SHISA9: variants seen among roughly 807,000 people sequenced by gnomAD.
SHISA9 encodes the protein shisa family member 9, also known as protein shisa-9.
In SHISA9, 13 loss-of-function variants were observed where a neutral mutation model predicts 38.0. The observed-to-expected ratio is 0.34, with a 90% CI of 0.22 to 0.54. SHISA9 has a LOEUF of 0.54. Among genes scored for constraint, SHISA9 ranks in the 20% least tolerant of loss-of-function variants. The pLI, the probability that SHISA9 is intolerant of heterozygous loss-of-function variation, is 0.91. For synonymous variants in SHISA9, 275 were observed against 242.0 expected, an observed-to-expected ratio of 1.14 and a Z score of -1.27; for missense variants, 538 against 575.8, an observed-to-expected ratio of 0.93 and a Z score of 0.67.
At chr16:13,300,474 C>G in the SHISA9 span, among the ~76,000 whole-genome samples, 2 of 152,034 alleles carry the variant, frequency 1.3e-5, no homozygotes, top group Non-Finnish European at 2.9e-5. Flanking sequence ...ATGGTCTGCC[C>G]CATGAGCAAA....
the SHISA9 span, among the ~76,000 whole-genome samples, chr16:13,419,332 T>C: frequency 8.0e-4 from 122 of 152,316 alleles, no homozygotes; most frequent in African/African-American, 2.9e-3. Context: ...AAGCTGGAAA[T>C]TTGATCTGTG....
chr16:13,386,834 A>G, the SHISA9 span, among the ~76,000 whole-genome samples: 14 of 152,160 alleles, frequency 9.2e-5, no homozygotes, highest in Non-Finnish European at 1.9e-4. Context: ...ATAGTATTCC[A>G]TGGTATGGTT....
the SHISA9 span, among the ~76,000 whole-genome samples, chr16:13,352,765 G>C: frequency 6.9e-6 from 1 of 145,586 alleles, no homozygotes; most frequent in Admixed American, 6.9e-5. Flanking sequence ...GTCAAAGGGG[G>C]TTTGTTCTCT....
the SHISA9 span, among the ~76,000 whole-genome samples, chr16:13,487,483 A>G: frequency 2.0e-5 from 3 of 152,178 alleles, no homozygotes; most frequent in East Asian, 5.8e-4. Flanking sequence ...CACACTTTTA[A>G]ATGACCAGAT....
At chr16:13,547,905 G>C in the SHISA9 span, among the ~76,000 whole-genome samples, 1 of 151,834 alleles carries the variant, frequency 6.6e-6, no homozygotes, top group East Asian at 1.9e-4. Flanking sequence ...CCAGAATAGA[G>C]AAAACAATTT....
intron 4 of SHISA9, among the ~76,000 whole-genome samples, chr16:13,217,502 A>G (rs1242509844): frequency 6.6e-6 from 1 of 152,180 alleles, no homozygotes; most frequent in African/African-American, 2.4e-5. Context: ...TTCTGACTAG[A>G]ATCAGCCTGC....
chr16:13,228,994 T>C (rs2051305495), intron 4 of SHISA9, among the ~76,000 whole-genome samples: 1 of 152,100 alleles, frequency 6.6e-6, no homozygotes, highest in African/African-American at 2.4e-5. Context: ...AACGCTTCTC[T>C]ACTGAAAATA....
chr16:13,527,083 A>G, the SHISA9 span, among the ~76,000 whole-genome samples: 1 of 152,222 alleles, frequency 6.6e-6, no homozygotes, highest in African/African-American at 2.4e-5. Flanking sequence ...GAAAGGAACA[A>G]ACGAAGCTTG....
At chr16:13,150,467 C>A (rs762486527) in intron 2 of SHISA9, among the ~76,000 whole-genome samples, 1 of 152,104 alleles carries the variant, frequency 6.6e-6, no homozygotes, top group Non-Finnish European at 1.5e-5. Flanking sequence ...TATTTGTCAG[C>A]AGCAAGAGAC....
the SHISA9 span, among the ~76,000 whole-genome samples, chr16:13,545,902 C>T: frequency 2.6e-5 from 4 of 152,246 alleles, no homozygotes; most frequent in South Asian, 8.3e-4. Flanking sequence ...ATAAGCTGGG[C>T]CAGTTAGATT....
intron 2 of SHISA9, among the ~76,000 whole-genome samples, chr16:13,108,621 C>A (rs2073949038): frequency 6.6e-6 from 1 of 152,048 alleles, no homozygotes; most frequent in Non-Finnish European, 1.5e-5. Context: ...CATGAGACTG[C>A]ATGCTTACTA....
chr16:13,056,489 C>A lies in SHISA9; in HGVS notation c.691+139674C>A, dbSNP rs146353232. 2.0e-5 allele frequency among the ~76,000 whole-genome samples: 3 copies of A among 152,118 alleles called. No individual in the cohort carries two copies. The East Asian group carries it at 5.8e-4, about 29-fold the overall frequency. On this transcript the variant is annotated intron_variant, in intron 2 of 4. Transcript: ENST00000558583. ...ACAGACATCAGGTCAGACATGTAGACCAGTGTTAGGTATGGGGAGGGACAC... is the reference window on the plus strand; with the variant it reads ...ACAGACATCAGGTCAGACATGTAGAACAGTGTTAGGTATGGGGAGGGACAC...
At chr16:13,398,086 G>C in the SHISA9 span, among the ~76,000 whole-genome samples, 1 of 152,176 alleles carries the variant, frequency 6.6e-6, no homozygotes, top group African/African-American at 2.4e-5. Flanking sequence ...CTCTTTTGCA[G>C]ATGTGTTCCC....
At chr16:13,430,395 C>T in the SHISA9 span, among the ~76,000 whole-genome samples, 1 of 152,120 alleles carries the variant, frequency 6.6e-6, no homozygotes, top group Non-Finnish European at 1.5e-5. Context: ...CTTTTGGAAT[C>T]TGATGATTTG....
chr16:13,012,374 G>A (rs538670973), intron 2 of SHISA9, among the ~76,000 whole-genome samples: 7 of 152,200 alleles, frequency 4.6e-5, no homozygotes, highest in Non-Finnish European at 8.8e-5. Flanking sequence ...GGGAATATTT[G>A]GGGGAAGAGA....
the SHISA9 span, among the ~76,000 whole-genome samples, chr16:13,387,020 T>C: frequency 1.3e-5 from 2 of 152,230 alleles, no homozygotes; most frequent in African/African-American, 4.8e-5. Flanking sequence ...GTGCTATCTA[T>C]AAACGATTCT....
the SHISA9 span, among the ~76,000 whole-genome samples, chr16:13,511,671 GA>G: frequency 6.6e-6 from 1 of 152,118 alleles, no homozygotes; most frequent in African/African-American, 2.4e-5. Flanking sequence ...TATAGGGAGG[GA>G]GGGGGGATTC....
chr16:13,115,812 A>G (rs1399512123), intron 2 of SHISA9, among the ~76,000 whole-genome samples: 4 of 152,212 alleles, frequency 2.6e-5, no homozygotes, highest in African/African-American at 9.6e-5. Flanking sequence ...CAGGCATTTC[A>G]TTTTGCAAAC....
At chr16:13,508,272 C>T in the SHISA9 span, among the ~76,000 whole-genome samples, 1 of 152,210 alleles carries the variant, frequency 6.6e-6, no homozygotes, top group Non-Finnish European at 1.5e-5. Flanking sequence ...TCATTAACTA[C>T]TCTTCAAAAA....
Sources: allele counts gnomAD v4.1 joint callset (sites outside exome capture counted in the v4.1 genomes callset), GRCh38; gene constraint gnomAD v4.1.1; transcripts MANE v1.5; gene names NCBI Gene and HGNC (gene_info 2026-07-23, HGNC 2026-07-21).